TLL1: variants seen among roughly 807,000 people sequenced by gnomAD.
TLL1 encodes the protein tolloid-like protein 1.
A neutral mutation model predicts 128.2 loss-of-function variants in TLL1; 49 were observed. The observed-to-expected ratio is 0.38, with a 90% CI of 0.30 to 0.48. The LOEUF is 0.48. TLL1 is among the 20% of genes least tolerant of loss of function. The probability of loss-of-function intolerance (pLI) is 0.96; values close to 1 mark genes in which losing one functional copy is unlikely to be tolerated. For missense variants in TLL1, 1,123 were observed against 1,242.0 expected, an observed-to-expected ratio of 0.90 and a Z score of 1.44; for synonymous variants, 454 against 418.8, an observed-to-expected ratio of 1.08 and a Z score of -1.03.
Position 166,084,294 on chromosome 4 carries a change from A to T in TLL1, c.2442+6264A>T, listed in dbSNP as rs115373612. On this transcript the variant is annotated intron_variant, in intron 18 of 20. Coordinates refer to ENST00000061240, the MANE Select transcript of TLL1 (RefSeq NM_012464.5). ...ATATTTTGGATATTAGCCTGGTATC[A>T]GATGTATGGTTCATAAATATTTTCT... Among the ~76,000 whole-genome samples the T allele has an allele frequency of 4.9e-3, 746 of 152,236 alleles. 6 individuals carry two copies. The highest frequency in any genetic ancestry group is 0.017 in the African/African-American group (711 of 41,556).
chr4:165,955,927 T>A (rs1251003258), intron 1 of TLL1, among the ~76,000 whole-genome samples: 1 of 152,126 alleles, frequency 6.6e-6, no homozygotes, highest in East Asian at 1.9e-4. Context: ...AGAGGAATTT[T>A]ACAGCTGGGC....
intron 1 of TLL1, among the ~76,000 whole-genome samples, chr4:165,983,789 T>C (rs1736268905): frequency 6.6e-6 from 1 of 151,748 alleles, no homozygotes; most frequent in African/African-American, 2.4e-5. Flanking sequence ...AGCTTTCTTA[T>C]ATAGTACTCC....
chr4:165,912,782 T>C (rs1473017635), intron 1 of TLL1, among the ~76,000 whole-genome samples: 2 of 152,184 alleles, frequency 1.3e-5, no homozygotes, highest in African/African-American at 4.8e-5. Flanking sequence ...GACTGCATTC[T>C]ATTCCCTTAA....
chr4:165,993,611 T>G (rs558587356), intron 3 of TLL1, among the ~76,000 whole-genome samples: 1 of 152,178 alleles, frequency 6.6e-6, no homozygotes, highest in East Asian at 1.9e-4. Context: ...TGTGTCAAAG[T>G]ATACACCAGT....
chr4:166,004,426 G>A (rs1430582268), intron 6 of TLL1, among the ~76,000 whole-genome samples: 2 of 152,190 alleles, frequency 1.3e-5, no homozygotes, highest in Admixed American at 1.3e-4. Context: ...TTGAGCCAAT[G>A]TTAGGCGTTG....
At chr4:165,885,815 T>C (rs1346663347) in intron 1 of TLL1, among the ~76,000 whole-genome samples, 2 of 152,164 alleles carry the variant, frequency 1.3e-5, no homozygotes, top group Admixed American at 6.5e-5. Flanking sequence ...AGAAGAACTA[T>C]AGGCAACAAA....
At chr4:165,936,040 A>C (rs1031074029) in intron 1 of TLL1, among the ~76,000 whole-genome samples, 43 of 151,202 alleles carry the variant, frequency 2.8e-4, no homozygotes, top group African/African-American at 1.0e-3. Flanking sequence ...TCATGTCAGC[A>C]GCTGTTGATT....
intron 12 of TLL1, among the ~76,000 whole-genome samples, chr4:166,048,343 T>C (rs944002873): frequency 6.6e-6 from 1 of 151,844 alleles, no homozygotes; most frequent in African/African-American, 2.4e-5. Flanking sequence ...AATCTGCTAG[T>C]GCCTTAACCT....
chr4:165,903,779 A>T (rs900005489), intron 1 of TLL1, among the ~76,000 whole-genome samples: 1 of 151,692 alleles, frequency 6.6e-6, no homozygotes, highest in Non-Finnish European at 1.5e-5. Flanking sequence ...AATAATAATA[A>T]ATAATAAGGC....
At chr4:166,001,207 G>A (rs1737134320) in intron 5 of TLL1, among the ~76,000 whole-genome samples, 1 of 152,030 alleles carries the variant, frequency 6.6e-6, no homozygotes, top group African/African-American at 2.4e-5. Flanking sequence ...GCAATGTCTG[G>A]TGCATCATGA....
Position 166,075,021 on chromosome 4 carries a change from C to CT in TLL1, c.2314+25dup. 1.9e-6 allele frequency: 3 copies of CT among 1,612,120 alleles called. No homozygotes were observed. The highest frequency in any genetic ancestry group is 1.1e-5 in the South Asian group (1 of 90,976). On this transcript the variant is annotated intron_variant, in intron 17 of 20. Coordinates refer to ENST00000061240, the MANE Select transcript of TLL1 (RefSeq NM_012464.5). ...CAAGGAAGGTATGGAACGGAATACA[C>CT]TTTTTTTGACAACATGTAGAATTTC...
intron 1 of TLL1, among the ~76,000 whole-genome samples, chr4:165,874,703 A>G (rs1025431230): frequency 6.6e-6 from 1 of 152,198 alleles, no homozygotes; most frequent in African/African-American, 2.4e-5. Flanking sequence ...TTAAGTTGCT[A>G]CCCCATTCAA....
At chr4:165,896,016 G>T (rs779979004) in intron 1 of TLL1, among the ~76,000 whole-genome samples, 3 of 152,058 alleles carry the variant, frequency 2.0e-5, no homozygotes, top group Non-Finnish European at 2.9e-5. Flanking sequence ...CATGTGCCAT[G>T]GTGGTTTGCT....
At chr4:166,065,109 G>A (rs1018381470) in intron 15 of TLL1, among the ~76,000 whole-genome samples, 4 of 152,040 alleles carry the variant, frequency 2.6e-5, no homozygotes, top group Non-Finnish European at 1.5e-5. Context: ...AAATCAGAAT[G>A]AGGCTACCTT....
At chr4:166,086,048 G>A (rs905569111) in intron 18 of TLL1, among the ~76,000 whole-genome samples, 1 of 152,016 alleles carries the variant, frequency 6.6e-6, no homozygotes, top group Non-Finnish European at 1.5e-5. Context: ...AAGACTATAA[G>A]CTCAAAAAGA....
At chr4:166,016,245 G>T (rs2111054042) in intron 8 of TLL1, among the ~76,000 whole-genome samples, 1 of 152,076 alleles carries the variant, frequency 6.6e-6, no homozygotes, top group Non-Finnish European at 1.5e-5. Flanking sequence ...ATACTGCTAT[G>T]AAAAAAGATA....
chr4:165,994,341 A>G lies in TLL1; in HGVS notation c.362-40A>G, dbSNP rs773840376. On this transcript the variant is annotated intron_variant, in intron 3 of 20. Transcript: ENST00000061240. ...TAAGAGGTAAATGATTCCCTGACCA[A>G]GAACTTCTGTTTCACAGAATGTTTT... 2.5e-6 allele frequency: 4 copies of G among 1,613,634 alleles called. No homozygotes were observed. The East Asian group carries it at 8.9e-5, about 36-fold the overall frequency.
intron 9 of TLL1, among the ~76,000 whole-genome samples, chr4:166,034,559 A>G (rs530409231): frequency 9.2e-5 from 14 of 152,176 alleles, no homozygotes; most frequent in Non-Finnish European, 1.0e-4. Context: ...GATGAAATGG[A>G]GAAGAGTAAA....
intron 1 of TLL1, among the ~76,000 whole-genome samples, chr4:165,975,808 C>T (rs1010995002): frequency 1.3e-5 from 2 of 151,756 alleles, no homozygotes; most frequent in African/African-American, 4.8e-5. Context: ...GAGGCTGAGG[C>T]GGGTGGATCA....
Sources: allele counts gnomAD v4.1 joint callset (sites outside exome capture counted in the v4.1 genomes callset), GRCh38; gene constraint gnomAD v4.1.1; transcripts MANE v1.5; gene names NCBI Gene and HGNC (gene_info 2026-07-23, HGNC 2026-07-21).